Variants in CDC42SE2 observed in about 807,000 individuals in gnomAD.
The protein encoded by CDC42SE2 is CDC42 small effector 2.
Under a neutral mutation model 11.5 loss-of-function variants are expected in CDC42SE2, and 3 were observed. That is an observed-to-expected ratio of 0.26 (90% CI 0.12 to 0.67). CDC42SE2 has a LOEUF of 0.67. Ranked by LOEUF, CDC42SE2 falls within the 30% of genes least tolerant of loss-of-function variation. CDC42SE2 has a pLI of 0.80. For synonymous variants in CDC42SE2, 33 were observed against 34.8 expected (o/e 0.95, Z 0.18); for missense variants, 82 against 106.8 (o/e 0.77, Z 1.02).
chr5:131,377,640 T>C (rs1750195759), intron 3 of CDC42SE2, among the ~76,000 whole-genome samples: 1 of 152,208 alleles, frequency 6.6e-6, no homozygotes, highest in South Asian at 2.1e-4. Flanking sequence ...ACCTGTATTT[T>C]AACAAACCTT....
At chr5:131,384,825 G>A (rs923603720) in intron 3 of CDC42SE2, among the ~76,000 whole-genome samples, 1 of 148,394 alleles carries the variant, frequency 6.7e-6, no homozygotes, top group Non-Finnish European at 1.5e-5. Context: ...GTGCGTGCCT[G>A]TAATCCCAGC....
At chr5:131,382,684 G>C (rs1750359640) in intron 3 of CDC42SE2, among the ~76,000 whole-genome samples, 1 of 152,128 alleles carries the variant, frequency 6.6e-6, no homozygotes, top group Non-Finnish European at 1.5e-5. Context: ...TACTGCAAAC[G>C]CCTGGGGAAG....
chr5:131,256,995 G>C (rs1460915993), intron 2 of CDC42SE2, among the ~76,000 whole-genome samples: 2 of 152,158 alleles, frequency 1.3e-5, no homozygotes, highest in African/African-American at 4.8e-5. Flanking sequence ...GTAAAGGGGT[G>C]GTGCATTTTT....
chr5:131,250,709 T>C (rs143371824), intron 1 of CDC42SE2, among the ~76,000 whole-genome samples: 1 of 152,204 alleles, frequency 6.6e-6, no homozygotes, highest in African/African-American at 2.4e-5. Flanking sequence ...ATAAAAAGAG[T>C]GAACCCTCAT....
upstream of CDC42SE2, among the ~76,000 whole-genome samples, chr5:131,243,913 C>A (rs1164676694): frequency 6.6e-6 from 1 of 152,130 alleles, no homozygotes; most frequent in Non-Finnish European, 1.5e-5. Context: ...AGCAATGGAA[C>A]CCAGAAGACA....
At chr5:131,246,914 T>C (rs571764339) in intron 1 of CDC42SE2, among the ~76,000 whole-genome samples, 3 of 152,166 alleles carry the variant, frequency 2.0e-5, no homozygotes, top group South Asian at 4.1e-4. Context: ...TGGCTAATTT[T>C]TGTATTTTTA....
intron 3 of CDC42SE2, among the ~76,000 whole-genome samples, chr5:131,370,634 T>C (rs1314857181): frequency 2.6e-5 from 4 of 152,220 alleles, no homozygotes; most frequent in South Asian, 2.1e-4. Context: ...AACATTTCTT[T>C]AGTTGTTTGA....
chr5:131,343,249 T>C (rs1580767285), intron 2 of CDC42SE2, among the ~76,000 whole-genome samples: 1 of 151,900 alleles, frequency 6.6e-6, no homozygotes, highest in South Asian at 2.1e-4. Context: ...CAAGAGATGC[T>C]TATTAGCAGG....
chr5:131,213,884 T>G, the CDC42SE2 span, among the ~76,000 whole-genome samples: 814 of 152,342 alleles, frequency 5.3e-3, 9 homozygotes, highest in African/African-American at 0.019. Context: ...GGGCTTTTTT[T>G]TCTGCTATAA....
chr5:131,328,068 G>T (rs929441808), intron 2 of CDC42SE2, among the ~76,000 whole-genome samples: 7 of 152,112 alleles, frequency 4.6e-5, no homozygotes, highest in Non-Finnish European at 1.5e-5. Context: ...TTTTTATAAT[G>T]AACCCATTGA....
rs1749639632 is a variant in CDC42SE2 at position 131,359,213 on chromosome 5, T to A, written c.-281T>A. 1 of 353,466 alleles carries A rather than the reference T, an allele frequency of 2.8e-6. No individual in the cohort carries two copies. The highest frequency in any genetic ancestry group is 5.1e-6 in the Non-Finnish European group (1 of 197,280). 21.9% of individuals were successfully genotyped at this position (353,466 alleles called of 1,614,324 possible). On this transcript the variant is annotated 5_prime_UTR_variant, in exon 3 of 5. Coordinates refer to ENST00000505065, the MANE Select transcript of CDC42SE2 (RefSeq NM_001375635.1). ...CTTTTTCTTTTTTTTCCCTAGACTATCTGTTATAGTCCCTGGGTCAAGACA... is the reference window on the plus strand; with the variant it reads ...CTTTTTCTTTTTTTTCCCTAGACTAACTGTTATAGTCCCTGGGTCAAGACA...
chr5:131,378,081 T>C (rs1050788299), intron 3 of CDC42SE2, among the ~76,000 whole-genome samples: 1 of 152,200 alleles, frequency 6.6e-6, no homozygotes, highest in Admixed American at 6.5e-5. Context: ...TTAAGTACTA[T>C]AATTGAATAT....
Position 131,392,716 on chromosome 5 carries a change from TATTA to T in CDC42SE2, c.*1630_*1633del, listed in dbSNP as rs1029088019. On this transcript the variant is annotated 3_prime_UTR_variant, in exon 5 of 5. Transcript: ENST00000505065. ...AGTCCAATCCTGAGCATCTTCATCT[TATTA>T]ATTAGCTGTTCGTTTCTTTGTGCAC... 1 of 152,362 alleles carries T rather than the reference TATTA, an allele frequency of 6.6e-6. No homozygotes were observed. Among genetic ancestry groups the T allele is most frequent in the Admixed American group, 6.5e-5 (1 of 15,288 alleles). The allele number at this position is 152,362 out of a possible 1,614,324, so 9.4% of individuals were successfully genotyped here.
At chr5:131,362,379 G>C (rs1009655983) in intron 3 of CDC42SE2, among the ~76,000 whole-genome samples, 58 of 152,264 alleles carry the variant, frequency 3.8e-4, no homozygotes, top group African/African-American at 1.3e-3. Context: ...TAGCTTGCTT[G>C]TTGGCATCAG....
the CDC42SE2 span, among the ~76,000 whole-genome samples, chr5:131,224,755 A>C: frequency 6.6e-6 from 1 of 152,074 alleles, no homozygotes; most frequent in Admixed American, 6.6e-5. Context: ...CAAGAGGCTC[A>C]ACATTGCCTC....
chr5:131,337,191 G>A (rs1434907350), intron 2 of CDC42SE2, among the ~76,000 whole-genome samples: 3 of 152,178 alleles, frequency 2.0e-5, no homozygotes, highest in Non-Finnish European at 4.4e-5. Flanking sequence ...CTAACAGTCA[G>A]GACCCTCAAC....
chr5:131,337,846 G>A (rs578107882), intron 2 of CDC42SE2, among the ~76,000 whole-genome samples: 1 of 152,224 alleles, frequency 6.6e-6, no homozygotes, highest in Non-Finnish European at 1.5e-5. Flanking sequence ...GGAGTTACCC[G>A]ATTTTCCAGG....
intron 1 of CDC42SE2, among the ~76,000 whole-genome samples, chr5:131,285,914 C>G (rs1002586697): frequency 5.9e-5 from 9 of 152,150 alleles, no homozygotes; most frequent in Admixed American, 2.6e-4. Context: ...TCATTGCTCA[C>G]CACTTAAATC....
At chr5:131,353,959 GCCAGGCATTGTGGCTCATGCCT>G (rs1335592633) in intron 2 of CDC42SE2, among the ~76,000 whole-genome samples, 1 of 151,990 alleles carries the variant, frequency 6.6e-6, no homozygotes, top group Admixed American at 6.6e-5. Flanking sequence ...TTGCATAGTG[GCCAGGCATTGTGGCTCATGCCT>G]CTAATCCCAG....
Sources: allele counts gnomAD v4.1 joint callset (sites outside exome capture counted in the v4.1 genomes callset), GRCh38; gene constraint gnomAD v4.1.1; transcripts MANE v1.5; gene names NCBI Gene and HGNC (gene_info 2026-07-23, HGNC 2026-07-21).